SNRNP200: variants seen among roughly 807,000 people sequenced by gnomAD.
SNRNP200 encodes small nuclear ribonucleoprotein U5 subunit 200.
A neutral mutation model predicts 255.2 loss-of-function variants in SNRNP200; 66 were observed. The ratio of observed to expected loss-of-function variants is 0.26; its 90% confidence interval spans 0.21 to 0.32. The LOEUF is 0.32. Ranked by LOEUF, SNRNP200 falls within the 10% of genes least tolerant of loss-of-function variation. The pLI is 1.00. For synonymous variants in SNRNP200, 939 were observed against 1,027.8 expected, an observed-to-expected ratio of 0.91 and a Z score of 1.65; for missense variants, 1,585 against 2,749.8, an observed-to-expected ratio of 0.58 and a Z score of 9.47.
At chr2:96,281,763 T>A (rs1339108625) in intron 35 of SNRNP200, 51 bp downstream of exon 35, 2 of 1,367,964 alleles carry the variant, frequency 1.5e-6, no homozygotes, top group Non-Finnish European at 1.0e-6. Context: ...CAGATTCACA[T>A]TCATTTTAGG....
intron 2 of SNRNP200, 76 bp from the exon 3 acceptor site, chr2:96,303,406 C>G (rs2063965510): frequency 6.6e-7 from 1 of 1,521,666 alleles, no homozygotes; most frequent in African/African-American, 1.4e-5. Context: ...GCCCACCCTC[C>G]TCTCCTCAGC....
At position 96,283,870 on chromosome 2, in the gene SNRNP200, G is replaced by A. The variant is rs138123740; in HGVS notation, c.4527C>T (p.Thr1509=). 1.1e-5 allele frequency: 18 copies of A among 1,596,058 alleles called. No individual in the cohort carries two copies. The African/African-American group carries it at 2.1e-4, about 19-fold the overall frequency. ...DVAHWLGCSA[T]STFNFHPNVR... ...CATTGGGATGGAAGTTGAAGGTGGA[G>A]GTGGCACTGCAGCCCAGCCAGTGGG... The change falls in exon 32 of 45, where the codon ACC becomes ACT. Residue 1509 remains threonine, a synonymous_variant. Coordinates refer to ENST00000323853, the MANE Select transcript of SNRNP200 (RefSeq NM_014014.5). This position sits in a 1 kb window ranked among gnomAD's most constrained non-coding sequence, Gnocchi z 4.7.
rs201784404 is a variant in SNRNP200, at chr2:96,296,896, T to C, written c.1515+37A>G. 6.4e-5 allele frequency: 104 copies of C among 1,613,916 alleles called. 1 individual carries two copies. The East Asian group carries it at 2.3e-3, about 36-fold the overall frequency. ...ATCTTGCAACGGAAACTCCACACCA[T>C]ATTCTACAAGAAAACAGCAGGCAGG... On this transcript the variant is annotated intron_variant, in intron 12 of 44. Coordinates refer to ENST00000323853, the MANE Select transcript of SNRNP200 (RefSeq NM_014014.5).
At chr2:96,289,756 A>C in intron 21 of SNRNP200, 43 bp downstream of exon 21, 1 of 1,602,588 alleles carries the variant, frequency 6.2e-7, no homozygotes. Flanking sequence ...TGGGCCAACA[A>C]CTTTTGCTGA....
Position 96,291,337 on chromosome 2 carries a change from C to T in SNRNP200, c.2421+55G>A. On this transcript the variant is annotated intron_variant, in intron 18 of 44. Transcript: ENST00000323853. This position sits in a 1 kb window ranked among gnomAD's most constrained non-coding sequence, Gnocchi z 4.2. Reference sequence around the variant, plus strand: ...CAAACATGGCACAAACTTGACATTGCCCATCTTCTGAAGTATGTCCCACCT... The same window carrying T: ...CAAACATGGCACAAACTTGACATTGTCCATCTTCTGAAGTATGTCCCACCT... 1 of 986,038 alleles carries T rather than the reference C, an allele frequency of 1.0e-6. No homozygotes were observed. The highest frequency in any genetic ancestry group is 2.4e-5 in the East Asian group (1 of 42,054). The allele number at this position is 986,038 out of a possible 1,614,324, so 61.1% of individuals were successfully genotyped here.
intron 6 of SNRNP200, 28 bp from the exon 7 acceptor site, chr2:96,298,995 A>G: frequency 2.5e-6 from 4 of 1,613,168 alleles, no homozygotes; most frequent in Non-Finnish European, 3.4e-6. Context: ...CATTTAGCTC[A>G]CCAGGTCTCT....
rs2063982839 is a variant in SNRNP200 at position 96,305,511 on chromosome 2, TC to T, written c.-75del. 8 of 1,596,492 alleles carry T rather than the reference TC, an allele frequency of 5.0e-6. No individual in the cohort carries two copies. Among genetic ancestry groups the T allele is most frequent in the Non-Finnish European group, 6.9e-6 (8 of 1,167,466 alleles). On this transcript the variant is annotated 5_prime_UTR_variant, in exon 1 of 45. Coordinates refer to ENST00000323853, the MANE Select transcript of SNRNP200 (RefSeq NM_014014.5). ...GCTGCAAACGGCCGCAGATCTCTGC[TC>T]CCGCCGCGCCGGAACGACGCAGGAA...
Position 96,287,629 on chromosome 2 carries a change from C to A in SNRNP200, c.3366-72G>T. Reference sequence around the variant, plus strand: ...GACAAACCACCCACTTCATGGCTTCCAATAGTTTAGCAGTGACTACACAAA... The same window carrying A: ...GACAAACCACCCACTTCATGGCTTCAAATAGTTTAGCAGTGACTACACAAA... On this transcript the variant is annotated intron_variant, in intron 25 of 44. Coordinates refer to ENST00000323853, the MANE Select transcript of SNRNP200 (RefSeq NM_014014.5). This position sits in a 1 kb window ranked among gnomAD's most constrained non-coding sequence, Gnocchi z 5.7. 8.5e-7 allele frequency: 1 copy of A among 1,171,054 alleles called. No individual in the cohort carries two copies. Among genetic ancestry groups the A allele is most frequent in the Non-Finnish European group, 1.3e-6 (1 of 776,286 alleles). 72.5% of individuals were successfully genotyped at this position (1,171,054 alleles called of 1,614,324 possible).
Position 96,291,602 on chromosome 2 carries a change from T to G in SNRNP200, c.2311-100A>C. ...ATGAGACCCTGCCCCTTAACTATTA[T>G]GTGGAATAGTAATAATCACATCCAG... On this transcript the variant is annotated intron_variant, in intron 17 of 44. Transcript: ENST00000323853. This position sits in a 1 kb window ranked among gnomAD's most constrained non-coding sequence, Gnocchi z 4.2. 8.2e-7 allele frequency: 1 copy of G among 1,222,744 alleles called. No homozygotes were observed. Among genetic ancestry groups the G allele is most frequent in the Admixed American group, 1.7e-5 (1 of 59,258 alleles). The allele number at this position is 1,222,744 out of a possible 1,614,324, so 75.7% of individuals were successfully genotyped here.
chr2:96,295,578 C>G lies in SNRNP200; in HGVS notation c.1752G>C (p.Gln584His), dbSNP rs1395299876. The change falls in exon 14 of 45, where the codon CAG becomes CAC. Residue 584 changes from glutamine (Q) to histidine (H), a missense_variant. Around this residue, in one of 9 missense-constraint regions of SNRNP200, gnomAD observed 56 missense variants for 77.4 expected, o/e 0.72. Transcript: ENST00000323853. ...QLCKEEISATQIIVCTPEKWD... is the reference protein window; with the variant it reads ...QLCKEEISATHIIVCTPEKWD... ...ACTTCTCGGGGGTGCAGACGATGAT[C>G]TGAGTGGCACTGATCTCTTCTTTGC... The G allele has an allele frequency of 2.5e-6, 4 of 1,613,894 alleles. No individual in the cohort carries two copies. The highest frequency in any genetic ancestry group is 3.4e-6 in the Non-Finnish European group (4 of 1,179,990).
At position 96,278,784 on chromosome 2, in the gene SNRNP200, C is replaced by T. The variant is rs1262846804; in HGVS notation, c.5323+25G>A. ...AAGACTGTGAGAACCACCAAAGGAT[C>T]ACGTGTGCTCCCAAGCCCACTGACC... is the stretch of plus-strand genomic sequence containing the variant. On this transcript the variant is annotated intron_variant, in intron 37 of 44. Coordinates refer to ENST00000323853, the MANE Select transcript of SNRNP200 (RefSeq NM_014014.5). The surrounding 1 kb of genome is among the most constrained non-coding windows in gnomAD (Gnocchi z 6.9). 8 of 1,614,126 alleles carry T rather than the reference C, an allele frequency of 5.0e-6. No homozygotes were observed. The highest frequency in any genetic ancestry group is 6.8e-6 in the Non-Finnish European group (8 of 1,180,012).
In SNRNP200 at chr2:96,277,102, A is replaced by C. The variant is rs1573987486; in HGVS notation, c.6071T>G (p.Val2024Gly). The part of the protein sequence containing the change: ...YPNIELSYEV[V>G]DKDSIRSGGP... The stretch of plus-strand genomic sequence containing the variant: ...TCACCTGCGGATGCTGTCCTTATCT[A>C]CCACCTCATAAGATAGTTCGATATT... Residue 2024 changes from valine to glycine, a missense_variant, in exon 42 of 45, where the codon GTA becomes GGA. By Grantham distance (109) the Val-to-Gly change is moderately radical. Transcript: ENST00000323853. This position sits in a 1 kb window ranked among gnomAD's most constrained non-coding sequence, Gnocchi z 4.4. 1.2e-6 allele frequency: 2 copies of C among 1,614,174 alleles called. No homozygotes were observed. The highest frequency in any genetic ancestry group is 1.7e-6 in the Non-Finnish European group (2 of 1,180,038).
chr2:96,281,989 A>G, intron 34 of SNRNP200, 67 bp from the exon 35 acceptor site: 2 of 1,237,612 alleles, frequency 1.6e-6, no homozygotes, highest in South Asian at 1.2e-5. Context: ...TCACTGCCTC[A>G]TGGGCAGGCC....
intron 31 of SNRNP200, 41 bp from the exon 32 acceptor site, chr2:96,284,045 C>G: frequency 2.6e-6 from 4 of 1,539,042 alleles, no homozygotes; most frequent in Non-Finnish European, 3.5e-6. Flanking sequence ...CAGGCCAAGG[C>G]TCCCATCCTC....
At chr2:96,279,995 T>A (rs539572594) in intron 35 of SNRNP200, among the ~76,000 whole-genome samples, 4 of 152,264 alleles carry the variant, frequency 2.6e-5, no homozygotes, top group African/African-American at 7.2e-5. Context: ...AGCCTTTACC[T>A]CCTAGGCTCA....
chr2:96,288,416 GTCTC>G (rs2063857065), intron 24 of SNRNP200, among the ~76,000 whole-genome samples: 1 of 152,188 alleles, frequency 6.6e-6, no homozygotes, highest in Non-Finnish European at 1.5e-5. Flanking sequence ...GGCTCTTCCT[GTCTC>G]TCTGAGGGCC....
chr2:96,299,643 C>G (rs1232696115), intron 5 of SNRNP200, among the ~76,000 whole-genome samples: 1 of 152,150 alleles, frequency 6.6e-6, no homozygotes, highest in Non-Finnish European at 1.5e-5. Flanking sequence ...TATTTCTCAC[C>G]TTAGGCTGCT....
At position 96,287,477 on chromosome 2, in the gene SNRNP200, G is replaced by A; in HGVS notation, c.3446C>T (p.Pro1149Leu). ...VVKKIEKKNF[P>L]FERLYDLNHN... The stretch of plus-strand genomic sequence containing the variant: ...ATTCAGGTCGTACAGACGCTCAAAG[G>A]GGAAATTCTTCTTCTCAATCTTCTT... The change falls in exon 26 of 45, where the codon CCC (proline) becomes CTC (leucine). Residue 1149 changes from proline (P) to leucine (L), a missense_variant. By Grantham distance (98) the Pro-to-Leu change is moderately conservative (BLOSUM62 -3). Coordinates refer to ENST00000323853, the MANE Select transcript of SNRNP200 (RefSeq NM_014014.5). The surrounding 1 kb of genome is among the most constrained non-coding windows in gnomAD (Gnocchi z 5.7). 2 of 1,614,036 alleles carry A rather than the reference G, an allele frequency of 1.2e-6. No homozygotes were observed. Among genetic ancestry groups the A allele is most frequent in the Non-Finnish European group, 1.7e-6 (2 of 1,179,904 alleles).
chr2:96,305,506 T>C lies in SNRNP200; in HGVS notation c.-69A>G, dbSNP rs1009287181. On this transcript the variant is annotated 5_prime_UTR_variant, in exon 1 of 45. Coordinates refer to ENST00000323853, the MANE Select transcript of SNRNP200 (RefSeq NM_014014.5). ...CGCAAGCTGCAAACGGCCGCAGATC[T>C]CTGCTCCCGCCGCGCCGGAACGACG... The C allele has an allele frequency of 8.1e-6, 13 of 1,601,682 alleles. No homozygotes were observed. Among genetic ancestry groups the C allele is most frequent in the African/African-American group, 2.7e-5 (2 of 74,704 alleles).
Sources: allele counts gnomAD v4.1 joint callset (sites outside exome capture counted in the v4.1 genomes callset), GRCh38; gene constraint gnomAD v4.1.1; regional missense constraint gnomAD v4.1.1; non-coding constraint Gnocchi (gnomAD v3.1); transcripts MANE v1.5; gene names NCBI Gene and HGNC (gene_info 2026-07-23, HGNC 2026-07-21).